The following CCDC138 variants were observed in gnomAD, a reference collection of about 807,000 sequenced individuals.
The protein encoded by CCDC138 is coiled-coil domain-containing protein 138.
Under a neutral mutation model 82.3 loss-of-function variants are expected in CCDC138, and 66 were observed. The ratio of observed to expected loss-of-function variants is 0.80; its 90% CI spans 0.66 to 0.98. The LOEUF (loss-of-function observed/expected upper bound fraction) is 0.98, where lower values mean the gene tolerates loss of function less well. Ranked by LOEUF, CCDC138 falls within the 50% of genes least tolerant of loss-of-function variation. CCDC138 has a pLI of 0.00. For missense variants in CCDC138, 816 were observed against 758.9 expected, an observed-to-expected ratio of 1.08 and a Z score of -0.88; for synonymous variants, 297 against 265.4, an observed-to-expected ratio of 1.12 and a Z score of -1.16.
chr2:108,856,842 CAG>C lies in CCDC138; in HGVS notation c.1567_1568del (p.Glu523ArgfsTer24), dbSNP rs1024182203. 6.2e-7 allele frequency: 1 copy of C among 1,613,090 alleles called. No homozygotes were observed. The highest frequency in any genetic ancestry group is 1.3e-5 in the African/African-American group (1 of 74,830). On this transcript the variant is annotated frameshift_variant, in exon 13 of 15. Coordinates refer to ENST00000295124, the MANE Select transcript of CCDC138 (RefSeq NM_144978.3). LOFTEE classifies it high-confidence loss of function. ...GATTCTCTTTGTTTGGACTTGAAGA[CAG>C]AAGAAGGAAAAACCTTGTTTTTGGA...
chr2:108,863,744 A>G (rs1424708725), intron 13 of CCDC138, among the ~76,000 whole-genome samples: 2 of 152,236 alleles, frequency 1.3e-5, no homozygotes, highest in African/African-American at 4.8e-5. Flanking sequence ...AAAGTGATTC[A>G]TTGGCATTCT....
downstream of CCDC138, among the ~76,000 whole-genome samples, chr2:108,878,115 AAAC>A (rs1314317481): frequency 6.6e-6 from 1 of 152,246 alleles, no homozygotes. Flanking sequence ...AGATGAAAGA[AAAC>A]AGTTTATTAA....
intron 7 of CCDC138, among the ~76,000 whole-genome samples, chr2:108,806,724 T>C (rs1682935970): frequency 6.6e-6 from 1 of 152,236 alleles, no homozygotes; most frequent in Non-Finnish European, 1.5e-5. Context: ...ACATGTACTT[T>C]GAAATTGCTG....
chr2:108,874,153 A>G (rs1025628988), intron 14 of CCDC138, among the ~76,000 whole-genome samples: 1 of 152,208 alleles, frequency 6.6e-6, no homozygotes, highest in Non-Finnish European at 1.5e-5. Flanking sequence ...CTGTAATACC[A>G]CAGGTGAAAA....
At chr2:108,846,967 A>G (rs1690606498) in intron 12 of CCDC138, 37 bp downstream of exon 12, 1 of 1,122,080 alleles carries the variant, frequency 8.9e-7, no homozygotes, top group Non-Finnish European at 1.3e-6. Context: ...AATTTTGAGA[A>G]ACAATAGAGA....
chr2:108,826,790 G>T (rs2150152592), intron 10 of CCDC138, among the ~76,000 whole-genome samples: 1 of 152,244 alleles, frequency 6.6e-6, no homozygotes, highest in South Asian at 2.1e-4. Flanking sequence ...AACCAGCTGG[G>T]ATTTTGATTA....
At chr2:108,880,408 C>CA (rs1696259857), downstream of CCDC138, among the ~76,000 whole-genome samples, 1 of 152,034 alleles carries the variant, frequency 6.6e-6, no homozygotes, top group South Asian at 2.1e-4. Flanking sequence ...TTGTGAGTAC[C>CA]AACTAACTTT....
At chr2:108,878,389 C>G (rs1696174188), downstream of CCDC138, 1 of 214,324 alleles carries the variant, frequency 4.7e-6, no homozygotes, top group African/African-American at 2.3e-5. Context: ...CCAGTGCATT[C>G]AGATGAAAAC....
At position 108,796,420 on chromosome 2, in the gene CCDC138, T is replaced by C. The variant is rs1326946139; in HGVS notation, c.576+1699T>C. ...TAAGTACAGCCACTGTGGAAAACAC[T>C]TTGGAGGTTCCTTAAACTATAAGTA... On this transcript the variant is annotated intron_variant, in intron 5 of 14. Transcript: ENST00000295124. Among the ~76,000 whole-genome samples the C allele has an allele frequency of 5.3e-5, 8 of 152,278 alleles. No homozygotes were observed. In the East Asian group the frequency reaches 1.2e-3, roughly 22 times the overall value.
chr2:108,805,724 C>CAA (rs752120147), intron 7 of CCDC138, among the ~76,000 whole-genome samples: 1 of 135,344 alleles, frequency 7.4e-6, no homozygotes, highest in Non-Finnish European at 1.6e-5. Flanking sequence ...GAGACTGTCT[C>CAA]AAAAAAAAAA....
chr2:108,795,150 ATT>A (rs11458525), intron 5 of CCDC138, among the ~76,000 whole-genome samples: 1 of 85,010 alleles, frequency 1.2e-5, no homozygotes, highest in Admixed American at 1.8e-4. Context: ...TCTAAAGTGT[ATT>A]TTTTTTTTTT....
chr2:108,829,122 C>A (rs988172221), intron 10 of CCDC138, among the ~76,000 whole-genome samples: 2 of 151,968 alleles, frequency 1.3e-5, no homozygotes, highest in Non-Finnish European at 2.9e-5. Flanking sequence ...AAAGCACAAG[C>A]AATAAAAGCA....
At chr2:108,853,415 T>C (rs1199034064) in intron 12 of CCDC138, among the ~76,000 whole-genome samples, 1 of 152,176 alleles carries the variant, frequency 6.6e-6, no homozygotes, top group Non-Finnish European at 1.5e-5. Context: ...GAAATCTATG[T>C]GTATTTTAAT....
chr2:108,854,684 CATCTG>C (rs778804694), intron 12 of CCDC138, among the ~76,000 whole-genome samples: 5 of 152,102 alleles, frequency 3.3e-5, no homozygotes, highest in Non-Finnish European at 7.3e-5. Context: ...GGGCTCAGCT[CATCTG>C]GATATTTGGC....
intron 7 of CCDC138, among the ~76,000 whole-genome samples, chr2:108,808,904 C>T (rs1045460822): frequency 2.6e-5 from 4 of 152,056 alleles, no homozygotes; most frequent in African/African-American, 4.8e-5. Flanking sequence ...AGGCGATTGT[C>T]GTGAACTATT....
Position 108,815,455 on chromosome 2 carries a change from T to G in CCDC138, c.1042-486T>G, listed in dbSNP as rs565046759. On this transcript the variant is annotated intron_variant, in intron 9 of 14. Coordinates refer to ENST00000295124, the MANE Select transcript of CCDC138 (RefSeq NM_144978.3). ...GTTTTTAATATTAGTTGGGGAGGTT[T>G]TTGGTGTTTTTTTTTTTTTTTTTTT... 4.6e-4 allele frequency among the ~76,000 whole-genome samples: 66 copies of G among 142,006 alleles called. No homozygotes were observed. The South Asian group carries it at 5.0e-3, about 11-fold the overall frequency. 93.2% of individuals were successfully genotyped at this position (142,006 alleles called of 152,430 possible). A position where few individuals can be genotyped will look rare whatever the true frequency, so the allele number is the denominator to read the frequency against.
chr2:108,881,897 A>T (rs1445146644), intron 1 of CCDC138, among the ~76,000 whole-genome samples: 1 of 152,178 alleles, frequency 6.6e-6, no homozygotes, highest in East Asian at 1.9e-4. Context: ...TAACCCCAGC[A>T]CTTTGGGAAG....
At chr2:108,866,876 GTC>G (rs1162181653) in intron 13 of CCDC138, among the ~76,000 whole-genome samples, 3 of 149,470 alleles carry the variant, frequency 2.0e-5, no homozygotes, top group Admixed American at 1.3e-4. Flanking sequence ...GAGTAAGACT[GTC>G]TGAAAAAAAA....
intron 5 of CCDC138, 134 bp from the exon 6 acceptor site, chr2:108,798,294 G>C (rs981161470): frequency 1.2e-6 from 1 of 816,738 alleles, no homozygotes. Context: ...TCTAGCTACT[G>C]TAATCCAGAT....
Sources: gnomAD v4.1 joint callset for allele counts (sites outside exome capture counted in the v4.1 genomes callset) on GRCh38, gnomAD v4.1.1 for gene constraint, MANE v1.5 for transcripts, NCBI Gene and HGNC (gene_info 2026-07-23, HGNC 2026-07-21) for gene names.